Variants in COL6A1 observed in about 807,000 individuals in gnomAD.
COL6A1 encodes collagen type VI alpha 1 chain.
COL6A1 carries 80 observed loss-of-function variants against 145.6 expected under a neutral mutation model. That is an observed-to-expected ratio of 0.55 (90% CI 0.46 to 0.66). COL6A1 has a LOEUF of 0.66. COL6A1 is among the 30% of genes least tolerant of loss of function. The pLI is 0.00. For missense variants in COL6A1, 1,364 were observed against 1,473.8 expected (o/e 0.93, Z 1.22); for synonymous variants, 638 against 622.8 (o/e 1.02, Z -0.36).
At chr21:46,003,050 C>T in intron 33 of COL6A1, 70 bp from the exon 34 acceptor site, 1 of 1,610,350 alleles carries the variant, frequency 6.2e-7, no homozygotes, top group Non-Finnish European at 8.5e-7. Flanking sequence ...CCGGGAGGTC[C>T]TGTGACATCT....
At chr21:45,996,747 C>T (rs1395321010) in intron 20 of COL6A1, among the ~76,000 whole-genome samples, 2 of 152,190 alleles carry the variant, frequency 1.3e-5, no homozygotes, top group Non-Finnish European at 2.9e-5. Context: ...AGGGCAGGGA[C>T]TCGCCGCTGG....
chr21:45,993,236 C>A (rs2077786707), intron 19 of COL6A1, among the ~76,000 whole-genome samples: 1 of 152,220 alleles, frequency 6.6e-6, no homozygotes, highest in Non-Finnish European at 1.5e-5. Context: ...CCGGCGGCCT[C>A]AGAGGCCACC....
At chr21:45,987,548 G>A (rs370715310) in intron 7 of COL6A1, 29 bp downstream of exon 7, 93 of 1,612,554 alleles carry the variant, frequency 5.8e-5, no homozygotes, top group African/African-American at 9.3e-5. Context: ...CCCTGACCCC[G>A]CGCCCTGCAC....
At position 45,989,739 on chromosome 21, in the gene COL6A1, G is replaced by A. The variant is rs756720407; in HGVS notation, c.904-13G>A. 13 of 1,613,010 alleles carry A rather than the reference G, an allele frequency of 8.1e-6. No homozygotes were observed. The Admixed American group carries it at 8.3e-5, about 10-fold the overall frequency. ...CAAGCCTTCCTCTTCCTCTTCTTCCGCTGGGTGTGTAGGGAGAAAAAGGGA... is the reference window on the plus strand; with the variant it reads ...CAAGCCTTCCTCTTCCTCTTCTTCCACTGGGTGTGTAGGGAGAAAAAGGGA... On this transcript the variant is annotated splice_polypyrimidine_tract_variant and intron_variant, in intron 10 of 34. Coordinates refer to ENST00000361866, the MANE Select transcript of COL6A1 (RefSeq NM_001848.3).
chr21:45,989,719 C>G (rs1160161457), intron 10 of COL6A1, 33 bp from the exon 11 acceptor site: 2 of 1,612,960 alleles, frequency 1.2e-6, no homozygotes, highest in African/African-American at 1.3e-5. Flanking sequence ...ACTAACAAGC[C>G]TTCCTCTTCC....
At position 46,003,672 on chromosome 21, in the gene COL6A1, G is replaced by A. The variant is rs563043611; in HGVS notation, c.2746G>A (p.Val916Ile). 46 of 1,613,090 alleles carry A rather than the reference G, an allele frequency of 2.9e-5. No individual in the cohort carries two copies. The Admixed American group carries it at 3.7e-4, about 13-fold the overall frequency. Residue 916 changes from valine (V) to isoleucine (I), a missense_variant, in exon 35 of 35, where the codon GTC becomes ATC. Physicochemically the swap from Val to Ile is conservative, Grantham distance 29. Transcript: ENST00000361866. Reference protein sequence around the residue: ...AMDFINDATDVNDALGYVTRF... With the variant: ...AMDFINDATDINDALGYVTRF... ...GGACTTTATCAACGACGCCACCGAC[G>A]TCAACGATGCCCTGGGCTATGTGAC...
chr21:45,998,763 C>T lies in COL6A1; in HGVS notation c.1612-134C>T, dbSNP rs2077821243. 2.5e-6 allele frequency: 3 copies of T among 1,183,584 alleles called. No homozygotes were observed. In the South Asian group the frequency reaches 4.1e-5, roughly 16 times the overall value. The allele number at this position is 1,183,584 out of a possible 1,614,324, so 73.3% of individuals were successfully genotyped here. ...CCACTCCGGGACCCAGTTTCTCCAG[C>T]CCAGGAAATGTGTGTGGTGGGGGAA... is the stretch of plus-strand genomic sequence containing the variant. On this transcript the variant is annotated intron_variant, in intron 24 of 34. Transcript: ENST00000361866.
chr21:46,001,371 G>A lies in COL6A1; in HGVS notation c.1941G>A (p.Arg647=), dbSNP rs139914666. 5.3e-5 allele frequency: 85 copies of A among 1,611,686 alleles called. No homozygotes were observed. The Middle Eastern group carries it at 9.9e-4, about 19-fold the overall frequency. The part of the protein sequence containing the change: ...FVVKVIDRLS[R]DELVKFEPGQ... ...TCAAGGTCATCGACCGGCTGAGCCG[G>A]GACGAGCTGGTCAAGGTGAGGCCTC... Residue 647 remains arginine (R), a synonymous_variant, in exon 30 of 35, where the codon CGG becomes CGA. Transcript: ENST00000361866.
chr21:45,999,898 G>GATCAT (rs2077829541), intron 27 of COL6A1, among the ~76,000 whole-genome samples: 1 of 140,406 alleles, frequency 7.1e-6, no homozygotes, highest in African/African-American at 2.6e-5. Flanking sequence ...GACCATAGAG[G>GATCAT]GGACATGTGA....
intron 29 of COL6A1, 107 bp from the exon 30 acceptor site, chr21:46,001,146 T>C (rs2077842389): frequency 1.4e-6 from 2 of 1,463,542 alleles, no homozygotes; most frequent in Non-Finnish European, 1.9e-6. Flanking sequence ...GACCCCAACG[T>C]GTCAGGTGAG....
rs762563727 is a variant in COL6A1, at chr21:45,989,132, G to A, written c.853G>A (p.Asp285Asn). 6.2e-7 allele frequency: 1 copy of A among 1,608,154 alleles called. No homozygotes were observed. Among genetic ancestry groups the A allele is most frequent in the Non-Finnish European group, 8.5e-7 (1 of 1,177,934 alleles). The stretch of plus-strand genomic sequence containing the variant: ...CCCAGGAGAGAAGGGAGAAGCCGGA[G>A]ATCCTGTGAGTGCCTGACTGTGGGG... ...GLPGEKGEAG[D>N]PGRPGDLGPV... is the part of the protein sequence containing the mutation. Residue 285 changes from aspartate to asparagine, a missense_variant, in exon 9 of 35, where the codon GAT becomes AAT. Physicochemically the swap from Asp to Asn is conservative, Grantham distance 23. This residue lies in a region of COL6A1 where 414 missense variants were observed against 437.6 expected (regional missense o/e 0.95). Coordinates refer to ENST00000361866, the MANE Select transcript of COL6A1 (RefSeq NM_001848.3).
chr21:46,003,471 A>G lies in COL6A1; in HGVS notation c.2545A>G (p.Lys849Glu). ...GGGCAGCCACAACTTTGACACCACC[A>G]AGCGCTTCGCCAAGCGCCTGGCCGA... is the stretch of plus-strand genomic sequence containing the variant. ...SVGSHNFDTTKRFAKRLAERF... is the reference protein window; with the variant it reads ...SVGSHNFDTTERFAKRLAERF... Residue 849 changes from lysine to glutamate, a missense_variant, in exon 35 of 35, where the codon AAG (lysine) becomes GAG (glutamate). Around this residue, in one of 3 missense-constraint regions of COL6A1, gnomAD observed 938 missense variants for 1,003.8 expected, o/e 0.93. Transcript: ENST00000361866. 6.2e-7 allele frequency: 1 copy of G among 1,608,728 alleles called. No homozygotes were observed. Among genetic ancestry groups the G allele is most frequent in the Middle Eastern group, 1.7e-4 (1 of 6,060 alleles).
Position 46,003,410 on chromosome 21 carries a change from TGAC to T in COL6A1, c.2485_2487del (p.Asp829del). On this transcript the variant is annotated inframe_deletion, in exon 35 of 35. Transcript: ENST00000361866. ...CCGCAGTCACGTTCTCCTCCCCGGC[TGAC>T]ATCACCATCCTGCTGGACGGCTCCG... 6.2e-7 allele frequency: 1 copy of T among 1,601,570 alleles called. No individual in the cohort carries two copies. Among genetic ancestry groups the T allele is most frequent in the Non-Finnish European group, 8.5e-7 (1 of 1,179,766 alleles).
chr21:45,992,945 C>T (rs1230876370), intron 19 of COL6A1, 135 bp downstream of exon 19: 9 of 760,972 alleles, frequency 1.2e-5, no homozygotes, highest in South Asian at 3.5e-5. Flanking sequence ...CCCATCCCCA[C>T]GCCGTCAGGG....
intron 3 of COL6A1, 42 bp from the exon 4 acceptor site, chr21:45,986,484 C>G (rs1275797095): frequency 6.5e-7 from 1 of 1,547,834 alleles, no homozygotes; most frequent in Non-Finnish European, 8.7e-7. Context: ...CTCCAGTTCC[C>G]CCACCTAGTC....
intron 10 of COL6A1, 22 bp downstream of exon 10, chr21:45,989,674 G>A: frequency 1.2e-6 from 2 of 1,613,138 alleles, no homozygotes; most frequent in Non-Finnish European, 1.7e-6. Flanking sequence ...CCCTTTCCTG[G>A]CCCGAGCCCG....
At chr21:45,982,349 G>T (rs1307512862) in intron 1 of COL6A1, among the ~76,000 whole-genome samples, 3 of 145,686 alleles carry the variant, frequency 2.1e-5, no homozygotes, top group South Asian at 2.2e-4. Flanking sequence ...AAACCTTCCC[G>T]TGAGGTCTCA....
rs746624991 is a variant in COL6A1, at chr21:46,003,648, G to T, written c.2722G>T (p.Asp908Tyr). 1.2e-6 allele frequency: 2 copies of T among 1,613,062 alleles called. No homozygotes were observed. Residue 908 changes from aspartate to tyrosine, a missense_variant, in exon 35 of 35, where the codon GAC (aspartate) becomes TAC (tyrosine). Asp to Tyr is a radical substitution (Grantham distance 160). This residue lies in a region of COL6A1 where 938 missense variants were observed against 1,003.8 expected (regional missense o/e 0.93). Coordinates refer to ENST00000361866, the MANE Select transcript of COL6A1 (RefSeq NM_001848.3). ...CCTGGCCAGTGCCGTCGATGCCATG[G>T]ACTTTATCAACGACGCCACCGACGT... ...TALASAVDAM[D>Y]FINDATDVND...
intron 3 of COL6A1, among the ~76,000 whole-genome samples, chr21:45,985,736 G>A (rs1317840655): frequency 6.6e-6 from 1 of 152,224 alleles, no homozygotes; most frequent in Non-Finnish European, 1.5e-5. Context: ...GGTTTGGGGA[G>A]AGCCTCTCCC....
Sources: gnomAD v4.1 joint callset for allele counts (sites outside exome capture counted in the v4.1 genomes callset) on GRCh38, gnomAD v4.1.1 for gene constraint, gnomAD v4.1.1 regional missense constraint, MANE v1.5 for transcripts, NCBI Gene and HGNC (gene_info 2026-07-23, HGNC 2026-07-21) for gene names.